The following MTHFD1L variants were observed in gnomAD, a reference collection of about 807,000 sequenced individuals.
MTHFD1L encodes the protein monofunctional C1-tetrahydrofolate synthase, mitochondrial.
A neutral mutation model predicts 119.5 loss-of-function variants in MTHFD1L; 81 were observed. That is an observed-to-expected ratio of 0.68 (90% CI 0.57 to 0.82). The LOEUF (loss-of-function observed/expected upper bound fraction) is 0.82, where lower values mean the gene tolerates loss of function less well. Among genes scored for constraint, MTHFD1L ranks in the 40% least tolerant of loss-of-function variants. MTHFD1L has a pLI of 0.00. For missense variants in MTHFD1L, 1,125 were observed against 1,253.4 expected (o/e 0.90, Z 1.55); for synonymous variants, 430 against 475.2 (o/e 0.90, Z 1.24).
chr6:150,987,982 C>G (rs1038741238), intron 20 of MTHFD1L, among the ~76,000 whole-genome samples: 1 of 152,166 alleles, frequency 6.6e-6, no homozygotes, highest in African/African-American at 2.4e-5. Flanking sequence ...GACTGTTTCT[C>G]TATGTGCTGT....
chr6:150,963,746 G>A (rs1202078699), intron 18 of MTHFD1L, among the ~76,000 whole-genome samples: 3 of 152,088 alleles, frequency 2.0e-5, no homozygotes, highest in Non-Finnish European at 2.9e-5. Flanking sequence ...AAGGGATAGC[G>A]CCCTGTTTTC....
At chr6:151,007,902 CTT>C (rs1276688519) in intron 20 of MTHFD1L, among the ~76,000 whole-genome samples, 10 of 152,288 alleles carry the variant, frequency 6.6e-5, no homozygotes, top group Admixed American at 4.6e-4. Context: ...TGTTCTGCCA[CTT>C]TGTTTGTTCA....
chr6:151,015,044 G>A, intron 23 of MTHFD1L, 64 bp downstream of exon 23: 1 of 1,310,678 alleles, frequency 7.6e-7, no homozygotes, highest in South Asian at 1.2e-5. Context: ...AACGATATTT[G>A]TGTCTTGGGG....
At chr6:151,013,870 G>A in intron 22 of MTHFD1L, 50 bp downstream of exon 22, 1 of 1,537,700 alleles carries the variant, frequency 6.5e-7, no homozygotes, top group South Asian at 1.1e-5. Context: ...TAAATCCAGT[G>A]ACTCGTTGGC....
intron 7 of MTHFD1L, among the ~76,000 whole-genome samples, chr6:150,890,821 A>G (rs1783126732): frequency 6.6e-6 from 1 of 152,344 alleles, no homozygotes; most frequent in Admixed American, 6.5e-5. Flanking sequence ...GTGCACTGCA[A>G]CAAGTATTTA....
chr6:150,981,388 G>A (rs981666311), intron 20 of MTHFD1L, among the ~76,000 whole-genome samples: 6 of 152,180 alleles, frequency 3.9e-5, no homozygotes, highest in African/African-American at 1.4e-4. Flanking sequence ...GTATTACCGC[G>A]TTTCCGTCAA....
intron 8 of MTHFD1L, among the ~76,000 whole-genome samples, chr6:150,917,865 C>T (rs145604571): frequency 5.6e-4 from 85 of 152,222 alleles, no homozygotes; most frequent in African/African-American, 2.0e-3. Flanking sequence ...TTTAAATGTT[C>T]GCTATGAATT....
rs545462810 is a variant in MTHFD1L, at chr6:151,077,736, G to A, written c.2848-14731G>A. On this transcript the variant is annotated intron_variant, in intron 26 of 27. Transcript: ENST00000367321. ...AAACAAAAACAAAACCATAATACTG[G>A]AGGCTAGATTACAATAGAGCAATAT... Among the ~76,000 whole-genome samples, 88 of 151,460 alleles carry A rather than the reference G, an allele frequency of 5.8e-4. 1 individual carries two copies. The highest frequency in any genetic ancestry group is 8.8e-4 in the Non-Finnish European group (60 of 67,912).
At chr6:151,015,964 A>G (rs1180462715) in intron 24 of MTHFD1L, among the ~76,000 whole-genome samples, 1 of 152,024 alleles carries the variant, frequency 6.6e-6, no homozygotes, top group Non-Finnish European at 1.5e-5. Flanking sequence ...GCGTGCACCT[A>G]TAGTCCCAGC....
At chr6:151,065,839 C>T (rs1791169458) in intron 26 of MTHFD1L, among the ~76,000 whole-genome samples, 1 of 152,224 alleles carries the variant, frequency 6.6e-6, no homozygotes. Context: ...GATAGGAGTG[C>T]TGATCAGGCC....
At chr6:150,925,753 A>G (rs560607872) in intron 10 of MTHFD1L, among the ~76,000 whole-genome samples, 1 of 152,236 alleles carries the variant, frequency 6.6e-6, no homozygotes, top group African/African-American at 2.4e-5. Context: ...ATGACCCTCT[A>G]TTCATCGCTA....
chr6:150,931,781 A>G (rs6902664), intron 11 of MTHFD1L, among the ~76,000 whole-genome samples: 30,470 of 152,140 alleles, frequency 0.2, 3,322 homozygotes, highest in African/African-American at 0.25. Flanking sequence ...GTAAATTATA[A>G]ACTTCTTTTC....
At chr6:151,059,786 T>G (rs1306303474) in intron 26 of MTHFD1L, among the ~76,000 whole-genome samples, 1 of 152,244 alleles carries the variant, frequency 6.6e-6, no homozygotes, top group Admixed American at 6.5e-5. Context: ...GGGTCTGTGC[T>G]GCTCAGTTAC....
rs509474 is a variant in MTHFD1L, at chr6:151,015,603, C to T, written c.2496C>T (p.Ser832=). The change falls in exon 24 of 28, where the codon TCC becomes TCT. Residue 832 remains serine (S), a synonymous_variant. Transcript: ENST00000367321. ...ATGCAGTCCCCTGCTATCACTGGTC[C>T]GTTGGTGGAAAAGGATCGGTGGACT... The part of the protein sequence containing the change: ...AFDAVPCYHW[S]VGGKGSVDLA... 4.3e-6 allele frequency: 7 copies of T among 1,613,868 alleles called. No individual in the cohort carries two copies. The highest frequency in any genetic ancestry group is 5.9e-6 in the Non-Finnish European group (7 of 1,179,956).
chr6:150,981,992 T>G (rs1279125298), intron 20 of MTHFD1L, among the ~76,000 whole-genome samples: 1 of 151,942 alleles, frequency 6.6e-6, no homozygotes, highest in Non-Finnish European at 1.5e-5. Flanking sequence ...GAGGCTGAGG[T>G]GGGAAGATCA....
At chr6:151,044,210 C>T (rs1173480830) in intron 26 of MTHFD1L, among the ~76,000 whole-genome samples, 17 of 152,094 alleles carry the variant, frequency 1.1e-4, no homozygotes, top group Admixed American at 1.0e-3. Context: ...CCGTTTCCTT[C>T]CCTCTGTCTT....
At chr6:151,025,737 G>A (rs1452293010) in intron 24 of MTHFD1L, among the ~76,000 whole-genome samples, 1 of 152,106 alleles carries the variant, frequency 6.6e-6, no homozygotes, top group African/African-American at 2.4e-5. Context: ...ATTCACTGTG[G>A]CCCCCGATGT....
At chr6:151,012,019 CAAAAAAAAAAAAAAA>C (rs1043831602) in intron 21 of MTHFD1L, among the ~76,000 whole-genome samples, 1,988 of 58,898 alleles carry the variant, frequency 0.034, 65 homozygotes, top group Non-Finnish European at 0.04. Flanking sequence ...ACAACAACAA[CAAAAAAAAAAAAAAA>C]AAAAAAAAAA....
intron 8 of MTHFD1L, among the ~76,000 whole-genome samples, chr6:150,916,201 C>A (rs12174709): frequency 6.9e-6 from 1 of 145,150 alleles, no homozygotes; most frequent in Non-Finnish European, 1.5e-5. Context: ...AGAAATATTT[C>A]TTTTCTCTAA....
Sources: gnomAD v4.1 joint callset for allele counts (sites outside exome capture counted in the v4.1 genomes callset) on GRCh38, gnomAD v4.1.1 for gene constraint, MANE v1.5 for transcripts, NCBI Gene and HGNC (gene_info 2026-07-23, HGNC 2026-07-21) for gene names.